Variants in NMT1 observed in about 807,000 individuals in gnomAD.
NMT1 encodes N-myristoyltransferase 1.
Under a neutral mutation model 63.4 loss-of-function variants are expected in NMT1, and 12 were observed. That is an observed-to-expected ratio of 0.19 (90% CI 0.12 to 0.31). The LOEUF is 0.31. Among genes scored for constraint, NMT1 ranks in the 10% least tolerant of loss-of-function variants. The pLI is 1.00. For synonymous variants in NMT1, 228 were observed against 234.3 expected (o/e 0.97, Z 0.25); for missense variants, 432 against 634.6 (o/e 0.68, Z 3.43).
chr17:45,079,893 G>A (rs1315039445), intron 1 of NMT1, among the ~76,000 whole-genome samples: 4 of 152,072 alleles, frequency 2.6e-5, no homozygotes, highest in Non-Finnish European at 5.9e-5. Flanking sequence ...TAGAGACGGT[G>A]TTTTACCATT....
intron 8 of NMT1, among the ~76,000 whole-genome samples, chr17:45,101,984 A>C (rs967926910): frequency 6.6e-6 from 1 of 152,190 alleles, no homozygotes; most frequent in Non-Finnish European, 1.5e-5. Flanking sequence ...GCAGCAGCAG[A>C]AGAATGTCTC....
Position 45,104,011 on chromosome 17 carries a change from G to T in NMT1, c.1332+135G>T. On this transcript the variant is annotated intron_variant, in intron 10 of 11. Transcript: ENST00000258960. This position sits in a 1 kb window ranked among gnomAD's most constrained non-coding sequence, Gnocchi z 4.2. ...CTCCTCATCTGTTCTGCTTAGGCAGGGTTCCCGCAGTTTTTAGGCAGAAAC... is the reference window on the plus strand; with the variant it reads ...CTCCTCATCTGTTCTGCTTAGGCAGTGTTCCCGCAGTTTTTAGGCAGAAAC... The T allele has an allele frequency of 6.3e-7, 1 of 1,592,560 alleles. No individual in the cohort carries two copies. The highest frequency in any genetic ancestry group is 1.1e-5 in the South Asian group (1 of 89,828).
intron 1 of NMT1, among the ~76,000 whole-genome samples, chr17:45,075,750 C>T (rs2053973412): frequency 1.3e-5 from 2 of 151,886 alleles, no homozygotes; most frequent in African/African-American, 4.8e-5. Context: ...AGGCTGGCAA[C>T]AGAGCAAGAC....
intron 2 of NMT1, among the ~76,000 whole-genome samples, 194 bp from the exon 3 acceptor site, chr17:45,086,314 A>G (rs2054052175): frequency 6.6e-6 from 1 of 151,892 alleles, no homozygotes; most frequent in Admixed American, 6.6e-5. Flanking sequence ...TAGTAGAGAC[A>G]GGGTTTCACC....
chr17:45,082,150 C>G (rs758453718), intron 2 of NMT1, among the ~76,000 whole-genome samples: 11 of 152,184 alleles, frequency 7.2e-5, no homozygotes, highest in Non-Finnish European at 1.3e-4. Context: ...CTCTGTTGCC[C>G]AGGCTAGAGT....
At chr17:45,073,109 G>A (rs1438312501) in intron 1 of NMT1, among the ~76,000 whole-genome samples, 9 of 151,956 alleles carry the variant, frequency 5.9e-5, no homozygotes, top group South Asian at 2.1e-4. Flanking sequence ...AACTAGAGGC[G>A]CTGTGGGAAG....
At chr17:45,095,376 G>A (rs1001907972) in intron 4 of NMT1, among the ~76,000 whole-genome samples, 2 of 152,170 alleles carry the variant, frequency 1.3e-5, no homozygotes, top group Non-Finnish European at 2.9e-5. Context: ...CCAAAGTGCT[G>A]GGATTACAGG....
chr17:45,061,718 C>T, intron 1 of NMT1: 1 of 378,228 alleles, frequency 2.6e-6, no homozygotes, highest in East Asian at 5.2e-5. Flanking sequence ...TGCTTCAGGC[C>T]ATTCCTGGGA....
At chr17:45,070,254 T>TG (rs1293870100) in intron 1 of NMT1, among the ~76,000 whole-genome samples, 49 of 146,804 alleles carry the variant, frequency 3.3e-4, no homozygotes, top group Admixed American at 1.5e-3. Context: ...GGTACCTTTT[T>TG]TTGTGTGTGT....
intron 3 of NMT1, among the ~76,000 whole-genome samples, chr17:45,093,017 A>C (rs1301228706): frequency 6.6e-6 from 1 of 152,032 alleles, no homozygotes; most frequent in Non-Finnish European, 1.5e-5. Flanking sequence ...TCTTTGGAGC[A>C]CTCCCCACAT....
chr17:45,105,506 A>T lies in NMT1; in HGVS notation c.1471-113A>T, dbSNP rs902968048. ...CGGCTGGGTGTGAGTCTGCTCCCAC[A>T]GCACAGGCGGTGGACCCGGGCCCAG... is the stretch of plus-strand genomic sequence containing the variant. On this transcript the variant is annotated intron_variant, in intron 11 of 11. Coordinates refer to ENST00000258960, the MANE Select transcript of NMT1 (RefSeq NM_021079.5). This position sits in a 1 kb window ranked among gnomAD's most constrained non-coding sequence, Gnocchi z 4.2. 3 of 1,162,958 alleles carry T rather than the reference A, an allele frequency of 2.6e-6. No homozygotes were observed. Among genetic ancestry groups the T allele is most frequent in the Non-Finnish European group, 3.8e-6 (3 of 780,088 alleles). The allele number at this position is 1,162,958 out of a possible 1,614,324, so 72.0% of individuals were successfully genotyped here.
At chr17:45,069,452 C>T (rs983241809) in intron 1 of NMT1, among the ~76,000 whole-genome samples, 1 of 149,988 alleles carries the variant, frequency 6.7e-6, no homozygotes, top group Non-Finnish European at 1.5e-5. Flanking sequence ...CCACCACGCC[C>T]AGCTGATTTT....
In NMT1 at chr17:45,097,113, G is replaced by C. The variant is rs1198892681; in HGVS notation, c.597-15G>C. On this transcript the variant is annotated splice_polypyrimidine_tract_variant and intron_variant, in intron 5 of 11. Coordinates refer to ENST00000258960, the MANE Select transcript of NMT1 (RefSeq NM_021079.5). The stretch of plus-strand genomic sequence containing the variant: ...GCCGGCAAGCAGCACAACCACCCCA[G>C]CCTCTCTTTTCCAGGGCTCTCCGGC... 1 of 1,609,736 alleles carries C rather than the reference G, an allele frequency of 6.2e-7. No individual in the cohort carries two copies. Among genetic ancestry groups the C allele is most frequent in the South Asian group, 1.1e-5 (1 of 90,986 alleles).
intron 1 of NMT1, among the ~76,000 whole-genome samples, chr17:45,067,870 G>A (rs1228391727): frequency 1.3e-5 from 2 of 152,216 alleles, no homozygotes; most frequent in East Asian, 3.8e-4. Flanking sequence ...CTATTTCAGG[G>A]ACTCGCTGCT....
chr17:45,062,958 T>A (rs1015671716), intron 1 of NMT1, among the ~76,000 whole-genome samples: 5 of 152,138 alleles, frequency 3.3e-5, no homozygotes, highest in Non-Finnish European at 7.4e-5. Context: ...CTCATGCCTG[T>A]AATCCCAGTA....
At chr17:45,071,330 G>A (rs2053938085) in intron 1 of NMT1, 1 of 152,150 alleles carries the variant, frequency 6.6e-6, no homozygotes, top group Admixed American at 6.6e-5. Flanking sequence ...GAGTGACTGG[G>A]ACTACAGGCT....
chr17:45,086,525 A>G lies in NMT1; in HGVS notation c.258A>G (p.Ala86=). ...TTGTCCAGATGAACTCTTTGCCAGC[A>G]GAGAGGATCCAGGAAATACAGAAGG... ...DQPVKMNSLP[A]ERIQEIQKAI... Residue 86 remains alanine, a synonymous_variant, in exon 3 of 12, where the codon GCA becomes GCG. Coordinates refer to ENST00000258960, the MANE Select transcript of NMT1 (RefSeq NM_021079.5). 6.2e-7 allele frequency: 1 copy of G among 1,611,390 alleles called. No homozygotes were observed. The highest frequency in any genetic ancestry group is 8.5e-7 in the Non-Finnish European group (1 of 1,179,126).
At chr17:45,066,063 A>AT (rs761976808) in intron 1 of NMT1, among the ~76,000 whole-genome samples, 2 of 151,902 alleles carry the variant, frequency 1.3e-5, no homozygotes, top group Non-Finnish European at 2.9e-5. Flanking sequence ...TGCTAATAAA[A>AT]TGAGCTAAAT....
intron 1 of NMT1, among the ~76,000 whole-genome samples, chr17:45,065,597 C>T (rs1420354999): frequency 7.4e-6 from 1 of 135,056 alleles, no homozygotes; most frequent in East Asian, 2.0e-4. Context: ...GCACTCCAGC[C>T]TGGGCGACAG....
Sources: gnomAD v4.1 joint callset for allele counts (sites outside exome capture counted in the v4.1 genomes callset) on GRCh38, gnomAD v4.1.1 for gene constraint, Gnocchi (gnomAD v3.1) non-coding constraint, MANE v1.5 for transcripts, NCBI Gene and HGNC (gene_info 2026-07-23, HGNC 2026-07-21) for gene names.